Variants in HS6ST2 observed in about 807,000 individuals in gnomAD.
The protein encoded by HS6ST2 is heparan sulfate 6-O-sulfotransferase 2, also known as heparan-sulfate 6-O-sulfotransferase 2.
A neutral mutation model predicts 33.0 loss-of-function variants in HS6ST2; 17 were observed. The observed-to-expected ratio is 0.52, with a 90% CI of 0.35 to 0.77. The LOEUF (loss-of-function observed/expected upper bound fraction) is 0.77, where lower values mean the gene tolerates loss of function less well. Among genes scored for constraint, HS6ST2 ranks in the 30% least tolerant of loss-of-function variants. The pLI, the probability that HS6ST2 is intolerant of heterozygous loss-of-function variation, is 0.01. For synonymous variants in HS6ST2, 248 were observed against 237.1 expected (o/e 1.05, Z -0.42); for missense variants, 519 against 551.7 (o/e 0.94, Z 0.59).
chrX:132,823,849 T>TAAA (rs1348912124), intron 2 of HS6ST2, among the ~76,000 whole-genome samples: 27 of 55,489 alleles, frequency 4.9e-4, no homozygotes, highest in African/African-American at 1.4e-3. Context: ...TGAGACTTCA[T>TAAA]AAAAAATAAT....
chrX:132,915,894 ATT>A (rs66864799), intron 2 of HS6ST2, among the ~76,000 whole-genome samples: 21 of 99,993 alleles, frequency 2.1e-4, no homozygotes, highest in African/African-American at 3.3e-4. Context: ...ACGCCCGGCT[ATT>A]TTTTTTTTTT....
At chrX:132,830,086 C>G (rs2065573657) in intron 2 of HS6ST2, among the ~76,000 whole-genome samples, 1 of 111,649 alleles carries the variant, frequency 9.0e-6, no homozygotes, top group Admixed American at 9.5e-5. Flanking sequence ...AAAACAAAAT[C>G]AGGGAGCAGA....
At chrX:132,728,277 C>G (rs1416199799) in intron 2 of HS6ST2, among the ~76,000 whole-genome samples, 2 of 112,189 alleles carry the variant, frequency 1.8e-5, no homozygotes, top group Non-Finnish European at 3.8e-5. Flanking sequence ...GTTCCGGTTT[C>G]TCCCAGGGAT....
At chrX:132,892,026 T>G (rs1216708079) in intron 2 of HS6ST2, among the ~76,000 whole-genome samples, 4 of 112,006 alleles carry the variant, frequency 3.6e-5, no homozygotes, top group Non-Finnish European at 5.6e-5. Context: ...TTCCTATTTC[T>G]CCACATCCTC....
intron 2 of HS6ST2, among the ~76,000 whole-genome samples, chrX:132,782,429 G>T (rs1033280044): frequency 8.9e-6 from 1 of 111,779 alleles, no homozygotes; most frequent in Non-Finnish European, 1.9e-5. Context: ...AAGGAGTCTT[G>T]GGCGTAGAGA....
rs1439260638 is a variant in HS6ST2 at position 132,644,114 on chromosome X, T to C, written c.1068-15021A>G. On this transcript the variant is annotated intron_variant, in intron 4 of 4. Coordinates refer to ENST00000370833, the MANE Select transcript of HS6ST2 (RefSeq NM_001394073.1). Reference sequence around the variant, plus strand: ...AGAAAAGTCATCTGAAGAAAATTCATTGATATCAGTGCCTGAGAGAAGGAA... The same window carrying C: ...AGAAAAGTCATCTGAAGAAAATTCACTGATATCAGTGCCTGAGAGAAGGAA... Among the ~76,000 whole-genome samples, 14 of 109,290 alleles carry C rather than the reference T, an allele frequency of 1.3e-4. No individual in the cohort carries two copies. In the Admixed American group the frequency reaches 1.4e-3, roughly 11 times the overall value. 94.9% of individuals were successfully genotyped at this position (109,290 alleles called of 115,157 possible). A position where few individuals can be genotyped will look rare whatever the true frequency, so the allele number is the denominator to read the frequency against.
At chrX:132,871,356 G>T (rs1391691227) in intron 2 of HS6ST2, among the ~76,000 whole-genome samples, 1 of 112,248 alleles carries the variant, frequency 8.9e-6, no homozygotes, top group Non-Finnish European at 1.9e-5. Flanking sequence ...TTCAACCATT[G>T]TGGAAGACAG....
chrX:132,894,786 T>C (rs951714357), intron 2 of HS6ST2, among the ~76,000 whole-genome samples: 4 of 111,646 alleles, frequency 3.6e-5, no homozygotes, highest in African/African-American at 1.3e-4. Flanking sequence ...TCCACCAGCC[T>C]CGGCCTCCCA....
At chrX:132,659,322 G>A (rs781284435) in intron 4 of HS6ST2, among the ~76,000 whole-genome samples, 4 of 111,579 alleles carry the variant, frequency 3.6e-5, no homozygotes, top group African/African-American at 1.3e-4. Context: ...CGACCATCCT[G>A]AAAACCCAAA....
intron 4 of HS6ST2, among the ~76,000 whole-genome samples, chrX:132,663,583 T>TAA (rs769185001): frequency 8.8e-6 from 1 of 113,058 alleles, no homozygotes; most frequent in East Asian, 2.8e-4. Context: ...GCAGTAATAT[T>TAA]AATGCTTTCA....
chrX:132,861,206 A>G (rs1026138870), intron 2 of HS6ST2, among the ~76,000 whole-genome samples: 3 of 112,236 alleles, frequency 2.7e-5, no homozygotes, highest in Non-Finnish European at 5.6e-5. Context: ...GGCCATAATT[A>G]TCACTTTAAC....
intron 2 of HS6ST2, among the ~76,000 whole-genome samples, chrX:132,731,549 A>G (rs1175969965): frequency 2.7e-5 from 3 of 112,524 alleles, no homozygotes; most frequent in African/African-American, 9.7e-5. Flanking sequence ...AAATCTTGTT[A>G]GAAGCCAGCA....
At chrX:132,952,284 C>T (rs1435242744) in intron 2 of HS6ST2, among the ~76,000 whole-genome samples, 1 of 111,679 alleles carries the variant, frequency 9.0e-6, no homozygotes, top group Non-Finnish European at 1.9e-5. Context: ...GTAGATTTCT[C>T]CCCCTCTTCT....
At chrX:132,741,694 A>G (rs762264313) in intron 2 of HS6ST2, among the ~76,000 whole-genome samples, 10 of 111,429 alleles carry the variant, frequency 9.0e-5, no homozygotes, top group Admixed American at 8.6e-4. Flanking sequence ...GTCTTCCTCT[A>G]TAAAATGGAG....
intron 2 of HS6ST2, among the ~76,000 whole-genome samples, chrX:132,922,313 A>G (rs1264600326): frequency 8.9e-6 from 1 of 112,017 alleles, no homozygotes; most frequent in Non-Finnish European, 1.9e-5. Flanking sequence ...AAACAAAAAA[A>G]CAACTTCCTA....
intron 2 of HS6ST2, among the ~76,000 whole-genome samples, chrX:132,818,126 C>A (rs1224717494): frequency 9.0e-6 from 1 of 111,104 alleles, no homozygotes; most frequent in Non-Finnish European, 1.9e-5. Context: ...GTGGGAGAGA[C>A]TCCCAAAAGG....
chrX:132,649,108 G>T (rs1173734578), intron 4 of HS6ST2, among the ~76,000 whole-genome samples: 6 of 111,847 alleles, frequency 5.4e-5, no homozygotes, highest in Non-Finnish European at 9.4e-5. Flanking sequence ...ATCACTGTGG[G>T]CAGGAAAAAT....
At chrX:132,889,796 GAA>G (rs1431802380) in intron 2 of HS6ST2, among the ~76,000 whole-genome samples, 1 of 111,253 alleles carries the variant, frequency 9.0e-6, no homozygotes, top group Non-Finnish European at 1.9e-5. Flanking sequence ...TACAGAACTA[GAA>G]AAAACAATCC....
At chrX:132,729,991 C>T (rs1416311371) in intron 2 of HS6ST2, among the ~76,000 whole-genome samples, 1 of 109,948 alleles carries the variant, frequency 9.1e-6, no homozygotes, top group Non-Finnish European at 1.9e-5. Flanking sequence ...CTTCCACCTT[C>T]CATACCCCTG....
Sources: allele counts gnomAD v4.1 joint callset (sites outside exome capture counted in the v4.1 genomes callset), GRCh38; gene constraint gnomAD v4.1.1; transcripts MANE v1.5; gene names NCBI Gene and HGNC (gene_info 2026-07-23, HGNC 2026-07-21).